The following RYR3 variants were observed in gnomAD, a reference collection of about 807,000 sequenced individuals.
The protein encoded by RYR3 is brain ryanodine receptor-calcium release channel.
Under a neutral mutation model 584.3 loss-of-function variants are expected in RYR3, and 207 were observed. The observed-to-expected ratio is 0.35, with a 90% CI of 0.32 to 0.40. The LOEUF (loss-of-function observed/expected upper bound fraction) is 0.40. Ranked by LOEUF, RYR3 falls within the 10% of genes least tolerant of loss-of-function variation. RYR3 has a pLI of 1.00. For synonymous variants in RYR3, 2,416 were observed against 2,248.5 expected (o/e 1.07, Z -2.11); for missense variants, 5,616 against 6,089.2 (o/e 0.92, Z 2.59).
At chr15:33,809,231 G>T (rs150941405) in intron 70 of RYR3, among the ~76,000 whole-genome samples, 1 of 152,146 alleles carries the variant, frequency 6.6e-6, no homozygotes, top group Non-Finnish European at 1.5e-5. Flanking sequence ...GGCATCTGGC[G>T]TGCTTCCAGA....
intron 27 of RYR3, among the ~76,000 whole-genome samples, chr15:33,637,218 A>G (rs796693780): frequency 2.6e-5 from 4 of 152,024 alleles, no homozygotes; most frequent in African/African-American, 9.7e-5. Flanking sequence ...GAAAGAGTGT[A>G]CTGCAAGTCA....
chr15:33,811,255 CA>C (rs2076523636), intron 72 of RYR3, among the ~76,000 whole-genome samples: 1 of 151,948 alleles, frequency 6.6e-6, no homozygotes, highest in Non-Finnish European at 1.5e-5. Context: ...CCTGTAATCC[CA>C]GCACTTTGGG....
chr15:33,321,294 T>C (rs901495597), intron 1 of RYR3, among the ~76,000 whole-genome samples: 1 of 152,186 alleles, frequency 6.6e-6, no homozygotes, highest in Non-Finnish European at 1.5e-5. Context: ...TATCCAAGGA[T>C]ACAAAGCATG....
chr15:33,600,161 T>C (rs1347880207), intron 16 of RYR3, among the ~76,000 whole-genome samples: 1 of 152,224 alleles, frequency 6.6e-6, no homozygotes, highest in African/African-American at 2.4e-5. Flanking sequence ...GATTCTTTTC[T>C]GCTTGTCCCG....
At chr15:33,571,759 C>T (rs766669849) in intron 12 of RYR3, among the ~76,000 whole-genome samples, 4 of 152,098 alleles carry the variant, frequency 2.6e-5, no homozygotes, top group Non-Finnish European at 5.9e-5. Context: ...CAATCTCTCC[C>T]TTTCATTGGT....
intron 27 of RYR3, among the ~76,000 whole-genome samples, chr15:33,640,472 T>G (rs2061742121): frequency 6.6e-6 from 1 of 152,208 alleles, no homozygotes; most frequent in Non-Finnish European, 1.5e-5. Context: ...GTCATCTACC[T>G]CCCTCTCTCT....
chr15:33,713,336 G>A (rs1299961734), intron 43 of RYR3, among the ~76,000 whole-genome samples: 1 of 151,940 alleles, frequency 6.6e-6, no homozygotes, highest in Non-Finnish European at 1.5e-5. Flanking sequence ...ATGATAGTTG[G>A]TCAGTGGTTA....
intron 20 of RYR3, among the ~76,000 whole-genome samples, chr15:33,626,998 G>T (rs2061024441): frequency 6.6e-6 from 1 of 152,152 alleles, no homozygotes; most frequent in Non-Finnish European, 1.5e-5. Flanking sequence ...TCCTCACTGG[G>T]ACACTGCCTA....
At chr15:33,362,918 G>T (rs185212430) in intron 1 of RYR3, among the ~76,000 whole-genome samples, 11 of 152,202 alleles carry the variant, frequency 7.2e-5, no homozygotes, top group African/African-American at 2.6e-4. Flanking sequence ...CACCTGACAC[G>T]TTGTTCTGCC....
At chr15:33,783,497 A>G (rs576790138) in intron 65 of RYR3, among the ~76,000 whole-genome samples, 1 of 152,354 alleles carries the variant, frequency 6.6e-6, no homozygotes, top group South Asian at 2.1e-4. Context: ...ACGTATAAAT[A>G]ACTTTTAAAG....
chr15:33,824,023 C>T (rs66462142), intron 81 of RYR3, among the ~76,000 whole-genome samples: 11,413 of 151,988 alleles, frequency 0.075, 536 homozygotes, highest in Middle Eastern at 0.11. Context: ...TGGGGCTTTT[C>T]CCCACCAACA....
At chr15:33,588,299 GA>G (rs2058957771) in intron 16 of RYR3, among the ~76,000 whole-genome samples, 1 of 152,122 alleles carries the variant, frequency 6.6e-6, no homozygotes, top group Admixed American at 6.6e-5. Context: ...AGCAGAAGTT[GA>G]ATATTCTTTC....
At chr15:33,603,771 T>A (rs543634474) in intron 18 of RYR3, among the ~76,000 whole-genome samples, 1 of 152,288 alleles carries the variant, frequency 6.6e-6, no homozygotes, top group African/African-American at 2.4e-5. Flanking sequence ...AACAGAAGCA[T>A]AAAGATGGTT....
chr15:33,787,488 T>A (rs1020838859), intron 66 of RYR3, among the ~76,000 whole-genome samples: 2 of 151,832 alleles, frequency 1.3e-5, no homozygotes, highest in Admixed American at 6.6e-5. Flanking sequence ...TCTCACTCAC[T>A]CATTTTTTTC....
At chr15:33,571,007 C>G (rs533109256) in intron 12 of RYR3, among the ~76,000 whole-genome samples, 86 of 152,258 alleles carry the variant, frequency 5.6e-4, no homozygotes, top group Admixed American at 1.6e-3. Context: ...ATTATGTCAT[C>G]TGTGAATAAA....
rs535261551 is a variant in RYR3, at chr15:33,471,308, A to G, written c.52-2111A>G. 3.3e-5 allele frequency among the ~76,000 whole-genome samples: 5 copies of G among 152,326 alleles called. No individual in the cohort carries two copies. The South Asian group carries it at 1.0e-3, about 32-fold the overall frequency. On this transcript the variant is annotated intron_variant, in intron 1 of 103. Coordinates refer to ENST00000634891, the MANE Select transcript of RYR3 (RefSeq NM_001036.6). ...GTCCCATACCCATCTGTGTGTCACC[A>G]GAGCCCCAACCTAGGAACACATGTG...
intron 103 of RYR3, chr15:33,864,681 G>C (rs1024292217): frequency 2.8e-5 from 5 of 175,680 alleles, no homozygotes; most frequent in Non-Finnish European, 6.1e-5. Flanking sequence ...GGAGGAAAAA[G>C]TCAGTTATCA....
intron 12 of RYR3, among the ~76,000 whole-genome samples, chr15:33,576,845 C>G (rs2058325337): frequency 6.6e-6 from 1 of 152,184 alleles, no homozygotes; most frequent in South Asian, 2.1e-4. Context: ...TTGCAGATGA[C>G]ATGATCCTGT....
At chr15:33,349,973 T>G (rs554250146) in intron 1 of RYR3, among the ~76,000 whole-genome samples, 9 of 152,000 alleles carry the variant, frequency 5.9e-5, no homozygotes, top group Admixed American at 5.2e-4. Flanking sequence ...ATGTGCCACA[T>G]TTTCTTAATC....
Sources: allele counts gnomAD v4.1 joint callset (sites outside exome capture counted in the v4.1 genomes callset), GRCh38; gene constraint gnomAD v4.1.1; transcripts MANE v1.5; gene names NCBI Gene and HGNC (gene_info 2026-07-23, HGNC 2026-07-21).